Variants in CFAP74 observed in about 807,000 individuals in gnomAD.
The protein encoded by CFAP74 is cilia and flagella associated protein 74, also known as cilia- and flagella-associated protein 74.
A neutral mutation model predicts 188.9 loss-of-function variants in CFAP74; 124 were observed. That is an observed-to-expected ratio of 0.66 (90% confidence interval 0.57 to 0.76). The LOEUF (loss-of-function observed/expected upper bound fraction) is 0.76, where lower values mean the gene tolerates loss of function less well. Among genes scored for constraint, CFAP74 ranks in the 30% least tolerant of loss-of-function variants. The pLI, the probability that CFAP74 is intolerant of heterozygous loss-of-function variation, is 0.00. For missense variants in CFAP74, 2,198 were observed against 2,165.2 expected (o/e 1.02, Z -0.30); for synonymous variants, 956 against 916.7 (o/e 1.04, Z -0.77).
At chr1:2,002,557 C>A (rs1021436434) in intron 1 of CFAP74, among the ~76,000 whole-genome samples, 4 of 150,974 alleles carry the variant, frequency 2.6e-5, no homozygotes, top group Non-Finnish European at 4.4e-5. Flanking sequence ...ATAATCCCAG[C>A]TACTTGGGAG....
chr1:1,924,577 C>A, intron 33 of CFAP74, 57 bp from the exon 34 acceptor site: 2 of 1,552,102 alleles, frequency 1.3e-6, no homozygotes, highest in South Asian at 1.2e-5. Context: ...TGCCCCCTTC[C>A]TGTCGTCGGT....
chr1:1,988,818 A>AACCCCCCCCCCCC, intron 3 of CFAP74, 71 bp downstream of exon 3: 20 of 263,576 alleles, frequency 7.6e-5, no homozygotes, highest in East Asian at 9.4e-5. Context: ...CGCTCCCTTC[A>AACCCCCCCCCCCC]CCCACCCCCC....
At chr1:1,983,341 A>C (rs541700028) in intron 6 of CFAP74, among the ~76,000 whole-genome samples, 23 of 152,226 alleles carry the variant, frequency 1.5e-4, no homozygotes, top group Non-Finnish European at 2.4e-4. Flanking sequence ...TCAGTTTCCA[A>C]GGGAACGGTG....
At position 1,973,916 on chromosome 1, in the gene CFAP74, TG is replaced by T; in HGVS notation, c.674+108del. On this transcript the variant is annotated intron_variant, in intron 7 of 38. Transcript: ENST00000682832. The surrounding 1 kb of genome is among the most constrained non-coding windows in gnomAD (Gnocchi z 6.2). ...AGGCAGGGAGGGGTGGAGGTGGATC[TG>T]GACAGATGTGGAGGGCGAGGCTGAA... The T allele has an allele frequency of 9.2e-7, 1 of 1,089,212 alleles. No homozygotes were observed. Among genetic ancestry groups the T allele is most frequent in the Non-Finnish European group, 1.3e-6 (1 of 790,362 alleles). The allele number at this position is 1,089,212 out of a possible 1,614,324, so 67.5% of individuals were successfully genotyped here. A position where few individuals can be genotyped will look rare whatever the true frequency, so the allele number is the denominator to read the frequency against.
chr1:1,996,227 C>A (rs138207851), intron 1 of CFAP74, among the ~76,000 whole-genome samples: 12 of 152,234 alleles, frequency 7.9e-5, no homozygotes, highest in Admixed American at 2.0e-4. Context: ...TCGGGTAATC[C>A]GCCCGCCTCA....
At chr1:1,998,716 T>C (rs1010270986) in intron 1 of CFAP74, among the ~76,000 whole-genome samples, 1 of 129,122 alleles carries the variant, frequency 7.7e-6, no homozygotes, top group Non-Finnish European at 1.6e-5. Context: ...CTACTAAAAA[T>C]ACAAAAAAAA....
At chr1:2,002,883 T>G (rs1557431998) in intron 1 of CFAP74, among the ~76,000 whole-genome samples, 4 of 150,792 alleles carry the variant, frequency 2.7e-5, no homozygotes, top group Non-Finnish European at 4.4e-5. Context: ...TAGGGACACA[T>G]GCATAGGTAG....
rs563405124 is a variant in CFAP74 at position 1,982,710 on chromosome 1, G to A, written c.500+2676C>T. On this transcript the variant is annotated intron_variant, in intron 6 of 38. Coordinates refer to ENST00000682832, the MANE Select transcript of CFAP74 (RefSeq NM_001304360.2). Reference sequence around the variant, plus strand: ...CGGGCCCACAGGAGGAGGGCGGCAGGTGGGCTCCGGGCGCTCGGGGCCGCC... The same window carrying A: ...CGGGCCCACAGGAGGAGGGCGGCAGATGGGCTCCGGGCGCTCGGGGCCGCC... Among the ~76,000 whole-genome samples, 260 of 152,354 alleles carry A rather than the reference G, an allele frequency of 1.7e-3. 1 individual carries two copies. The highest frequency in any genetic ancestry group is 6.0e-3 in the African/African-American group (251 of 41,590).
intron 6 of CFAP74, among the ~76,000 whole-genome samples, chr1:1,981,186 C>T (rs1656819659): frequency 6.6e-6 from 1 of 152,246 alleles, no homozygotes; most frequent in African/African-American, 2.4e-5. Context: ...GGGAGGAGGC[C>T]TTGCAGAGAC....
rs1558055278 is a variant in CFAP74, at chr1:1,981,517, A to AC, written c.500+3868_500+3869insG. The stretch of plus-strand genomic sequence containing the variant: ...GCAGGACACCCAACCACGGACAGAC[A>AC]TGGGGGCACGCAGGACACACAGCCG... On this transcript the variant is annotated intron_variant, in intron 6 of 38. Transcript: ENST00000682832. Among the ~76,000 whole-genome samples, 139 of 75,646 alleles carry AC rather than the reference A, an allele frequency of 1.8e-3. 7 individuals carry two copies. The highest frequency in any genetic ancestry group is 6.7e-3 in the East Asian group (14 of 2,090). The allele number at this position is 75,646 out of a possible 152,430, so 49.6% of individuals were successfully genotyped here.
At chr1:1,937,215 G>A (rs941257243) in intron 25 of CFAP74, among the ~76,000 whole-genome samples, 1 of 152,234 alleles carries the variant, frequency 6.6e-6, no homozygotes. Context: ...AGGGAGAGGC[G>A]ACGGGGCGTT....
Position 1,924,392 on chromosome 1 carries a change from G to T in CFAP74, c.4233C>A (p.Val1411=). 1 of 960,766 alleles carries T rather than the reference G, an allele frequency of 1.0e-6. No homozygotes were observed. Among genetic ancestry groups the T allele is most frequent in the South Asian group, 3.0e-5 (1 of 33,156 alleles). 59.5% of individuals were successfully genotyped at this position (960,766 alleles called of 1,614,324 possible). A position where few individuals can be genotyped will look rare whatever the true frequency, so the allele number is the denominator to read the frequency against. ...LSSPSQRTEV[V]GTQNLNGQSV... is the part of the protein sequence containing the mutation. ...ACCCACCCCCCACCCCCCGCTCACC[G>T]ACCACCTCCGTCCTCTGGGAGGGCG... Residue 1411 remains valine, a splice_region_variant and synonymous_variant, in exon 34 of 39, where the codon GTC becomes GTA. Coordinates refer to ENST00000682832, the MANE Select transcript of CFAP74 (RefSeq NM_001304360.2).
At chr1:1,978,533 A>G (rs944929965) in intron 6 of CFAP74, among the ~76,000 whole-genome samples, 1 of 152,124 alleles carries the variant, frequency 6.6e-6, no homozygotes, top group Admixed American at 6.5e-5. Flanking sequence ...GGTCAGTCGC[A>G]GAGGTGATGA....
intron 10 of CFAP74, among the ~76,000 whole-genome samples, chr1:1,970,406 C>T (rs988067776): frequency 6.6e-6 from 1 of 152,008 alleles, no homozygotes; most frequent in South Asian, 2.1e-4. Context: ...GGGGTTTCAG[C>T]GTCTGGGAGG....
chr1:1,978,997 C>T (rs1279108747), intron 6 of CFAP74, among the ~76,000 whole-genome samples: 1 of 150,280 alleles, frequency 6.7e-6, no homozygotes, highest in Non-Finnish European at 1.5e-5. Flanking sequence ...CGTGACGAGG[C>T]TGCACAGAAC....
At chr1:1,987,891 T>G in intron 4 of CFAP74, 1 of 326,686 alleles carries the variant, frequency 3.1e-6, no homozygotes, top group African/African-American at 2.2e-5. Context: ...AGGAGGGAAA[T>G]CGTAGTTTCC....
Position 1,942,440 on chromosome 1 carries a change from C to T in CFAP74, c.2487-284G>A, listed in dbSNP as rs567141812. Among the ~76,000 whole-genome samples, 27 of 152,246 alleles carry T rather than the reference C, an allele frequency of 1.8e-4. No homozygotes were observed. In the East Asian group the frequency reaches 2.5e-3, roughly 14 times the overall value. On this transcript the variant is annotated intron_variant, in intron 21 of 38. Coordinates refer to ENST00000682832, the MANE Select transcript of CFAP74 (RefSeq NM_001304360.2). This position sits in a 1 kb window ranked among gnomAD's most constrained non-coding sequence, Gnocchi z 4.3. ...GGGCTCTCGGGAACCAGATGCTTTC[C>T]GGGAAGAGCACCTGCCAGGCAGCCC...
At chr1:1,970,348 C>T (rs1655857087) in intron 10 of CFAP74, among the ~76,000 whole-genome samples, 1 of 152,196 alleles carries the variant, frequency 6.6e-6, no homozygotes, top group Non-Finnish European at 1.5e-5. Flanking sequence ...CCGCCAGTCC[C>T]TCCTTGTGAG....
At chr1:1,932,101 C>T (rs1436806537) in intron 25 of CFAP74, among the ~76,000 whole-genome samples, 2 of 108,210 alleles carry the variant, frequency 1.8e-5, no homozygotes, top group Non-Finnish European at 3.8e-5. Flanking sequence ...AAACAAAAAA[C>T]TTAGAAAAAT....
Sources: allele counts gnomAD v4.1 joint callset (sites outside exome capture counted in the v4.1 genomes callset), GRCh38; gene constraint gnomAD v4.1.1; non-coding constraint Gnocchi (gnomAD v3.1); transcripts MANE v1.5; gene names NCBI Gene and HGNC (gene_info 2026-07-23, HGNC 2026-07-21).